Variants in DISC1 observed in about 807,000 individuals in gnomAD.
DISC1 encodes the protein DISC1 scaffold protein, also known as disrupted in schizophrenia 1 protein.
In DISC1, 57 loss-of-function variants were observed where a neutral mutation model predicts 84.5. The observed-to-expected ratio is 0.67, with a 90% CI of 0.55 to 0.84. The LOEUF is 0.84. Among genes scored for constraint, DISC1 ranks in the 40% least tolerant of loss-of-function variants. DISC1 has a pLI of 0.00. For missense variants in DISC1, 1,000 were observed against 1,057.8 expected (o/e 0.95, Z 0.76); for synonymous variants, 411 against 415.2 (o/e 0.99, Z 0.12).
intron 9 of DISC1, among the ~76,000 whole-genome samples, chr1:231,893,742 A>G (rs772858733): frequency 7.9e-5 from 12 of 152,218 alleles, no homozygotes; most frequent in Non-Finnish European, 1.5e-4. Context: ...CGTTAGGACC[A>G]CTGGTGTTCC....
At chr1:231,686,732 G>T (rs1048157973) in intron 1 of DISC1, among the ~76,000 whole-genome samples, 1 of 152,206 alleles carries the variant, frequency 6.6e-6, no homozygotes, top group Non-Finnish European at 1.5e-5. Context: ...TTTCTCCTCA[G>T]AAAATGGGTT....
chr1:231,849,999 C>T (rs985760217), intron 9 of DISC1, among the ~76,000 whole-genome samples: 1 of 152,224 alleles, frequency 6.6e-6, no homozygotes, highest in African/African-American at 2.4e-5. Context: ...ATAGCACTCA[C>T]CATGGTGTCC....
At chr1:232,030,601 A>C (rs969542676) in intron 12 of DISC1, among the ~76,000 whole-genome samples, 1 of 152,180 alleles carries the variant, frequency 6.6e-6, no homozygotes, top group African/African-American at 2.4e-5. Context: ...GCTTGAGGGC[A>C]TGCTCTAAAT....
At chr1:231,860,412 G>T (rs756840669) in intron 9 of DISC1, among the ~76,000 whole-genome samples, 1 of 152,014 alleles carries the variant, frequency 6.6e-6, no homozygotes, top group African/African-American at 2.4e-5. Context: ...AATCCAAAAT[G>T]CTCCTGTCAG....
chr1:231,950,973 T>A (rs959372799), intron 9 of DISC1, among the ~76,000 whole-genome samples: 7 of 152,248 alleles, frequency 4.6e-5, no homozygotes, highest in African/African-American at 1.7e-4. Flanking sequence ...CTGAGGGTGG[T>A]GACTCACTGG....
At chr1:231,769,257 C>A (rs774055488) in intron 5 of DISC1, among the ~76,000 whole-genome samples, 2 of 152,192 alleles carry the variant, frequency 1.3e-5, no homozygotes, top group Admixed American at 6.5e-5. Flanking sequence ...GCCACCCCCC[C>A]TTCTGGGTAT....
At chr1:231,815,870 G>C (rs1048014058) in intron 8 of DISC1, among the ~76,000 whole-genome samples, 1 of 152,162 alleles carries the variant, frequency 6.6e-6, no homozygotes, top group Non-Finnish European at 1.5e-5. Context: ...TCCTGCTGAT[G>C]GATATTTAGG....
intron 3 of DISC1, among the ~76,000 whole-genome samples, chr1:231,721,939 G>A (rs531693157): frequency 5.3e-5 from 8 of 152,126 alleles, no homozygotes; most frequent in Non-Finnish European, 1.0e-4. Context: ...AGATCATGAG[G>A]TCAGGAGATT....
rs1354520585 is a variant in DISC1 at position 231,694,145 on chromosome 1, T to C, written c.387T>C (p.Pro129=). The change falls in exon 2 of 13, where the codon CCT becomes CCC. Residue 129 remains proline (P), a synonymous_variant. Coordinates refer to ENST00000439617, the MANE Select transcript of DISC1 (RefSeq NM_018662.3). ...GIQLRGGTRL[P]DRLSWPCGPG... Reference sequence around the variant, plus strand: ...AGCTCAGAGGTGGCACCAGATTGCCTGACAGGCTTAGCTGGCCGTGTGGCC... The same window carrying C: ...AGCTCAGAGGTGGCACCAGATTGCCCGACAGGCTTAGCTGGCCGTGTGGCC... 1 of 1,614,144 alleles carries C rather than the reference T, an allele frequency of 6.2e-7. No homozygotes were observed. Among genetic ancestry groups the C allele is most frequent in the South Asian group, 1.1e-5 (1 of 91,078 alleles).
intron 3 of DISC1, among the ~76,000 whole-genome samples, chr1:231,739,487 C>T (rs1184328014): frequency 2.0e-5 from 3 of 152,352 alleles, no homozygotes; most frequent in East Asian, 3.9e-4. Context: ...GTGGCAGCCC[C>T]TGCATCCTTG....
At chr1:232,017,991 G>C (rs2103021187) in intron 11 of DISC1, among the ~76,000 whole-genome samples, 1 of 152,234 alleles carries the variant, frequency 6.6e-6, no homozygotes, top group East Asian at 1.9e-4. Flanking sequence ...TAACCCGTCT[G>C]CTCAAATTTG....
chr1:231,927,977 A>G (rs1351640337), intron 9 of DISC1, among the ~76,000 whole-genome samples: 1 of 152,188 alleles, frequency 6.6e-6, no homozygotes, highest in Non-Finnish European at 1.5e-5. Flanking sequence ...ACTTGGACCT[A>G]GGAACTCCCT....
At chr1:231,900,679 G>GA (rs931574546) in intron 9 of DISC1, among the ~76,000 whole-genome samples, 1 of 152,148 alleles carries the variant, frequency 6.6e-6, no homozygotes, top group Non-Finnish European at 1.5e-5. Context: ...TCTGCCATGG[G>GA]AAAAATTGTG....
rs571919496 is a variant in DISC1 at position 231,632,083 on chromosome 1, A to G, written c.67+5149A>G. ...TTACCATTGTGTTACGGCTGCCTAC[A>G]GTATTCAGTACAGTAACATGCTGCA... On this transcript the variant is annotated intron_variant, in intron 1 of 12. Coordinates refer to ENST00000439617, the MANE Select transcript of DISC1 (RefSeq NM_018662.3). Among the ~76,000 whole-genome samples, 227 of 152,374 alleles carry G rather than the reference A, an allele frequency of 1.5e-3. 1 individual carries two copies. The highest frequency in any genetic ancestry group is 6.8e-3 in the Middle Eastern group (2 of 294).
intron 9 of DISC1, among the ~76,000 whole-genome samples, chr1:231,877,476 A>C (rs75626545): frequency 0.011 from 1,702 of 152,348 alleles, 24 homozygotes; most frequent in African/African-American, 0.038. Flanking sequence ...TCTTGTTGGC[A>C]GAGGGAAAAA....
intron 8 of DISC1, among the ~76,000 whole-genome samples, chr1:231,804,011 A>G (rs1343534323): frequency 6.6e-6 from 1 of 151,308 alleles, no homozygotes; most frequent in African/African-American, 2.4e-5. Context: ...CTTCAAAGTC[A>G]CACAGCATCA....
chr1:231,854,134 T>C (rs1266703752), intron 9 of DISC1, among the ~76,000 whole-genome samples: 2 of 152,150 alleles, frequency 1.3e-5, no homozygotes, highest in Non-Finnish European at 2.9e-5. Context: ...AACATGAGGC[T>C]AGCTTCTGCT....
At chr1:232,011,084 C>T (rs1667980820) in intron 11 of DISC1, among the ~76,000 whole-genome samples, 1 of 152,156 alleles carries the variant, frequency 6.6e-6, no homozygotes, top group Non-Finnish European at 1.5e-5. Context: ...TCCTTCTCTG[C>T]CCTGCCCACT....
chr1:231,683,935 A>C (rs990628147), intron 1 of DISC1, among the ~76,000 whole-genome samples: 1 of 151,082 alleles, frequency 6.6e-6, no homozygotes, highest in East Asian at 2.0e-4. Context: ...TGCCTTTCAC[A>C]CTGTGCTTGC....
Sources: allele counts gnomAD v4.1 joint callset (sites outside exome capture counted in the v4.1 genomes callset), GRCh38; gene constraint gnomAD v4.1.1; transcripts MANE v1.5; gene names NCBI Gene and HGNC (gene_info 2026-07-23, HGNC 2026-07-21).